USP34: variants seen among roughly 807,000 people sequenced by gnomAD.
USP34 encodes ubiquitin carboxyl-terminal hydrolase 34.
Under a neutral mutation model 460.3 loss-of-function variants are expected in USP34, and 70 were observed. The ratio of observed to expected loss-of-function variants is 0.15; its 90% CI spans 0.13 to 0.19. USP34 has a LOEUF of 0.19. Among genes scored for constraint, USP34 ranks in the 10% least tolerant of loss-of-function variants. The pLI is 1.00. For synonymous variants in USP34, 1,647 were observed against 1,405.3 expected (o/e 1.17, Z -3.85); for missense variants, 3,985 against 4,236.2 (o/e 0.94, Z 1.65).
intron 3 of USP34, among the ~76,000 whole-genome samples, chr2:61,400,465 A>G (rs983357039): frequency 6.6e-6 from 1 of 152,184 alleles, no homozygotes; most frequent in African/African-American, 2.4e-5. Flanking sequence ...TCAAACCATG[A>G]AGAACTCAAT....
In USP34 at chr2:61,281,048, T is replaced by C. The variant is rs752021298; in HGVS notation, c.5151+42A>G. 3.5e-5 allele frequency: 55 copies of C among 1,585,956 alleles called. No homozygotes were observed. The Admixed American group carries it at 9.7e-4, about 28-fold the overall frequency. On this transcript the variant is annotated intron_variant, in intron 38 of 79. Coordinates refer to ENST00000398571, the MANE Select transcript of USP34 (RefSeq NM_014709.4). The stretch of plus-strand genomic sequence containing the variant: ...CAACGGTAAACTGAGGCAAAGGAAA[T>C]TTCAAAAATAGAAACTGCTTCTAAA...
intron 16 of USP34, among the ~76,000 whole-genome samples, chr2:61,341,980 C>A (rs1439526113): frequency 6.6e-6 from 1 of 151,846 alleles, no homozygotes; most frequent in African/African-American, 2.4e-5. Flanking sequence ...CCAGGCTGGC[C>A]TCGAGATGCT....
intron 2 of USP34, among the ~76,000 whole-genome samples, chr2:61,408,861 TC>T (rs1346252750): frequency 1.3e-5 from 2 of 151,638 alleles, no homozygotes; most frequent in African/African-American, 2.4e-5. Context: ...CCCCCTGCAC[TC>T]CAGCCTGGGA....
chr2:61,308,495 G>A (rs570008338), intron 27 of USP34, among the ~76,000 whole-genome samples: 45 of 152,106 alleles, frequency 3.0e-4, no homozygotes, highest in Non-Finnish European at 5.9e-4. Context: ...AGTCTTACAG[G>A]CAAAACATCT....
chr2:61,217,938 G>C (rs1307248764), intron 67 of USP34, among the ~76,000 whole-genome samples: 1 of 152,036 alleles, frequency 6.6e-6, no homozygotes, highest in East Asian at 1.9e-4. Context: ...CTGGGCCACA[G>C]AGCAAGACTC....
chr2:61,292,254 T>A (rs931121800), intron 33 of USP34, among the ~76,000 whole-genome samples: 7 of 151,418 alleles, frequency 4.6e-5, no homozygotes, highest in Admixed American at 1.3e-4. Context: ...AAAAAAAAAA[T>A]AAGAAACAAG....
intron 37 of USP34, among the ~76,000 whole-genome samples, chr2:61,282,482 A>C (rs1689563604): frequency 6.6e-6 from 1 of 152,158 alleles, no homozygotes; most frequent in Non-Finnish European, 1.5e-5. Flanking sequence ...TCTAGCCTCT[A>C]TTTCTACTTA....
intron 3 of USP34, among the ~76,000 whole-genome samples, chr2:61,405,193 A>G (rs1214022498): frequency 7.1e-6 from 1 of 141,300 alleles, no homozygotes; most frequent in Non-Finnish European, 1.5e-5. Context: ...AGATCACACC[A>G]CTGCATTCCA....
At chr2:61,448,698 G>A (rs1245454275) in intron 1 of USP34, among the ~76,000 whole-genome samples, 2 of 152,148 alleles carry the variant, frequency 1.3e-5, no homozygotes, top group Non-Finnish European at 2.9e-5. Flanking sequence ...ATTTACAAAT[G>A]AGTTCAAGGT....
Position 61,222,284 on chromosome 2 carries a change from T to C in USP34, c.7794+335A>G, listed in dbSNP as rs149655773. Among the ~76,000 whole-genome samples, 274 of 152,370 alleles carry C rather than the reference T, an allele frequency of 1.8e-3. 2 individuals carry two copies. The highest frequency in any genetic ancestry group is 6.3e-3 in the African/African-American group (264 of 41,592). On this transcript the variant is annotated intron_variant, in intron 65 of 79. Transcript: ENST00000398571. Reference sequence around the variant, plus strand: ...ATAACACTGCATTCTATTTTCTATATACTTTTACACACATGCTGAGTCCTG... The same window carrying C: ...ATAACACTGCATTCTATTTTCTATACACTTTTACACACATGCTGAGTCCTG...
intron 37 of USP34, among the ~76,000 whole-genome samples, chr2:61,282,659 G>A (rs1689568839): frequency 6.6e-6 from 1 of 152,092 alleles, no homozygotes; most frequent in African/African-American, 2.4e-5. Context: ...GCATGGTGAT[G>A]TGCACCTATG....
At chr2:61,205,722 A>G (rs1687100924) in intron 72 of USP34, among the ~76,000 whole-genome samples, 1 of 152,230 alleles carries the variant, frequency 6.6e-6, no homozygotes, top group Non-Finnish European at 1.5e-5. Context: ...AAACATTTAT[A>G]TGGTTCAACC....
rs374964917 is a variant in USP34 at position 61,309,292 on chromosome 2, T to C, written c.3817+2248A>G. 3.9e-5 allele frequency among the ~76,000 whole-genome samples: 6 copies of C among 152,106 alleles called. No individual in the cohort carries two copies. The East Asian group carries it at 7.7e-4, about 20-fold the overall frequency. On this transcript the variant is annotated intron_variant, in intron 27 of 79. Transcript: ENST00000398571. Reference sequence around the variant, plus strand: ...AGTTTTCTCACAAGAAACCACTGAATAGAACACTCCCTGTACTCCAGAAAC... The same window carrying C: ...AGTTTTCTCACAAGAAACCACTGAACAGAACACTCCCTGTACTCCAGAAAC...
At chr2:61,362,370 G>C (rs1196931780) in intron 10 of USP34, among the ~76,000 whole-genome samples, 1 of 152,094 alleles carries the variant, frequency 6.6e-6, no homozygotes. Flanking sequence ...ATTCACTGCA[G>C]TATTATTCCC....
chr2:61,395,006 G>A lies in USP34; in HGVS notation c.604-4C>T. ...AATGCAATGGTACTTCTACATCCTG[G>A]GAAAATAAAGAAAACATGTCATTAT... On this transcript the variant is annotated splice_polypyrimidine_tract_variant and splice_region_variant and intron_variant, in intron 4 of 79. Transcript: ENST00000398571. 1.3e-6 allele frequency: 2 copies of A among 1,570,516 alleles called. No homozygotes were observed. Among genetic ancestry groups the A allele is most frequent in the Non-Finnish European group, 8.6e-7 (1 of 1,166,298 alleles).
chr2:61,448,847 T>C (rs759062076), intron 1 of USP34, among the ~76,000 whole-genome samples: 5 of 152,136 alleles, frequency 3.3e-5, no homozygotes, highest in East Asian at 1.9e-4. Context: ...CCAAAATGTA[T>C]TGAATAACAA....
chr2:61,345,041 G>A (rs1691722463), intron 15 of USP34, among the ~76,000 whole-genome samples: 1 of 152,166 alleles, frequency 6.6e-6, no homozygotes, highest in Admixed American at 6.5e-5. Flanking sequence ...GGGAGGCCGA[G>A]GCAGGCGGAT....
chr2:61,323,395 T>C (rs1690987791), intron 21 of USP34, among the ~76,000 whole-genome samples: 1 of 151,154 alleles, frequency 6.6e-6, no homozygotes, highest in African/African-American at 2.4e-5. Flanking sequence ...GCGCCTATAG[T>C]CCCAGCTTAC....
chr2:61,345,638 C>A (rs1691744936), intron 15 of USP34, among the ~76,000 whole-genome samples: 1 of 152,128 alleles, frequency 6.6e-6, no homozygotes, highest in Admixed American at 6.5e-5. Flanking sequence ...TACTATTGTG[C>A]CCATTTTATT....
Sources: gnomAD v4.1 joint callset for allele counts (sites outside exome capture counted in the v4.1 genomes callset) on GRCh38, gnomAD v4.1.1 for gene constraint, MANE v1.5 for transcripts, NCBI Gene and HGNC (gene_info 2026-07-23, HGNC 2026-07-21) for gene names.